DNAH9: variants seen among roughly 807,000 people sequenced by gnomAD.
DNAH9 encodes the protein dynein axonemal heavy chain 9.
DNAH9 carries 345 observed loss-of-function variants against 471.6 expected under a neutral mutation model. That is an observed-to-expected ratio of 0.73 (90% confidence interval 0.67 to 0.80). DNAH9 has a LOEUF of 0.80. DNAH9 is among the 30% of genes least tolerant of loss of function. DNAH9 has a pLI of 0.00. For synonymous variants in DNAH9, 2,093 were observed against 2,123.6 expected, an observed-to-expected ratio of 0.99 and a Z score of 0.40; for missense variants, 5,407 against 5,609.2, an observed-to-expected ratio of 0.96 and a Z score of 1.15.
At chr17:11,714,973 A>G (rs1172202295) in intron 26 of DNAH9, among the ~76,000 whole-genome samples, 2 of 152,170 alleles carry the variant, frequency 1.3e-5, no homozygotes, top group East Asian at 3.9e-4. Flanking sequence ...TCAGCAGAGA[A>G]CGCACCTGGA....
At chr17:11,793,431 AG>A (rs1170322763) in intron 41 of DNAH9, 71 bp from the exon 42 acceptor site, 9 of 1,431,420 alleles carry the variant, frequency 6.3e-6, no homozygotes, top group Non-Finnish European at 8.6e-6. Context: ...AAAATGCTCC[AG>A]GAAGTTTTCC....
chr17:11,708,843 C>T (rs1041235310), intron 26 of DNAH9, among the ~76,000 whole-genome samples: 3 of 152,090 alleles, frequency 2.0e-5, no homozygotes, highest in African/African-American at 2.4e-5. Context: ...CTGTATGTTC[C>T]GAGATAACAT....
At chr17:11,615,417 T>C (rs1377189724) in intron 4 of DNAH9, among the ~76,000 whole-genome samples, 3 of 151,986 alleles carry the variant, frequency 2.0e-5, no homozygotes, top group Non-Finnish European at 4.4e-5. Context: ...AAACCCCAAC[T>C]CTACTCAAAA....
At chr17:11,670,542 C>T (rs1475623676) in intron 17 of DNAH9, among the ~76,000 whole-genome samples, 2 of 152,140 alleles carry the variant, frequency 1.3e-5, no homozygotes, top group Non-Finnish European at 2.9e-5. Flanking sequence ...CAGTTTAGTG[C>T]TGGTTTTGCT....
At chr17:11,753,009 C>T (rs112150507) in intron 33 of DNAH9, 49 bp downstream of exon 33, 30 of 1,452,934 alleles carry the variant, frequency 2.1e-5, no homozygotes, top group African/African-American at 1.8e-4. Flanking sequence ...ACCTGTGAAA[C>T]CAGTCACCCA....
chr17:11,865,383 A>G (rs1339411718), intron 50 of DNAH9, among the ~76,000 whole-genome samples: 4 of 151,986 alleles, frequency 2.6e-5, no homozygotes, highest in Non-Finnish European at 1.5e-5. Flanking sequence ...TTCTGCCGAG[A>G]GATCCGCTGT....
intron 61 of DNAH9, among the ~76,000 whole-genome samples, chr17:11,920,701 A>G (rs548430573): frequency 7.2e-5 from 11 of 152,144 alleles, no homozygotes; most frequent in Admixed American, 5.9e-4. Flanking sequence ...ATCCATAGTG[A>G]CATTAGAGTT....
In DNAH9 at chr17:11,937,743, T is replaced by C. The variant is rs762850665; in HGVS notation, c.12660+221T>C. ...GTTAAATCATAGGAAGTCCCTGCCA[T>C]TGGGTTCAGCAGTTTTCTTTGCCAG... On this transcript the variant is annotated intron_variant, in intron 66 of 68. Coordinates refer to ENST00000262442, the MANE Select transcript of DNAH9 (RefSeq NM_001372.4). This position sits in a 1 kb window ranked among gnomAD's most constrained non-coding sequence, Gnocchi z 4.1. Among the ~76,000 whole-genome samples the C allele has an allele frequency of 6.6e-6, 1 of 152,188 alleles. No individual in the cohort carries two copies. Among genetic ancestry groups the C allele is most frequent in the Non-Finnish European group, 1.5e-5 (1 of 68,040 alleles).
rs760692393 is a variant in DNAH9 at position 11,854,029 on chromosome 17, T to G, written c.9534T>G (p.Phe3178Leu). ...CCAACCTGACAGAGCTGAAGTCATT[T>G]GGCTCTCCGCCTCTGGCCGTCAGCA... ...NKTNLTELKS[F>L]GSPPLAVSNV... The change falls in exon 50 of 69, where the codon TTT (phenylalanine) becomes TTG (leucine). Residue 3178 changes from phenylalanine (F) to leucine (L), a missense_variant. Physicochemically the swap from Phe to Leu is conservative, Grantham distance 22 (BLOSUM62 0). Transcript: ENST00000262442. 43 of 1,613,976 alleles carry G rather than the reference T, an allele frequency of 2.7e-5. No individual in the cohort carries two copies. Among genetic ancestry groups the G allele is most frequent in the Non-Finnish European group, 3.6e-5 (43 of 1,179,986 alleles).
In DNAH9 at chr17:11,636,758, A is replaced by G. The variant is rs2073174817; in HGVS notation, c.1760A>G (p.Gln587Arg). Residue 587 changes from glutamine (Q) to arginine (R), a missense_variant, in exon 9 of 69, where the codon CAG becomes CGG. Coordinates refer to ENST00000262442, the MANE Select transcript of DNAH9 (RefSeq NM_001372.4). ...GATGCAGTGAGGATGATCTACAGTC[A>G]GCACGTCCAGGAGGAAGCAGAACTT... is the stretch of plus-strand genomic sequence containing the variant. ...DLDAVRMIYSQHVQEEAELGF... is the reference protein window; with the variant it reads ...DLDAVRMIYSRHVQEEAELGF... The G allele has an allele frequency of 1.2e-6, 2 of 1,614,076 alleles. No individual in the cohort carries two copies. The highest frequency in any genetic ancestry group is 1.7e-6 in the Non-Finnish European group (2 of 1,180,010).
rs151194835 is a variant in DNAH9 at position 11,752,431 on chromosome 17, C to A, written c.6611-402C>A. Among the ~76,000 whole-genome samples, 13 of 152,264 alleles carry A rather than the reference C, an allele frequency of 8.5e-5. No homozygotes were observed. In the East Asian group the frequency reaches 2.5e-3, roughly 29 times the overall value. The stretch of plus-strand genomic sequence containing the variant: ...CAGGGAGAATGCACCTTGGGCACTG[C>A]CAGGTTTTTGCAAAGCAAGATATAA... On this transcript the variant is annotated intron_variant, in intron 32 of 68. Transcript: ENST00000262442.
intron 62 of DNAH9, among the ~76,000 whole-genome samples, chr17:11,929,041 T>A (rs1268878261): frequency 1.4e-5 from 2 of 146,860 alleles, no homozygotes; most frequent in African/African-American, 5.1e-5. Context: ...TTTTTTTTTT[T>A]TTTTTTTATT....
At chr17:11,903,676 T>G (rs1052508180) in intron 60 of DNAH9, among the ~76,000 whole-genome samples, 10 of 152,036 alleles carry the variant, frequency 6.6e-5, no homozygotes, top group African/African-American at 2.2e-4. Context: ...TTTGGGAGGC[T>G]GAGGCGGCGG....
At chr17:11,747,480 T>TG (rs1966928692) in intron 31 of DNAH9, 76 bp from the exon 32 acceptor site, 23 of 1,173,668 alleles carry the variant, frequency 2.0e-5, no homozygotes, top group Middle Eastern at 2.8e-4. Flanking sequence ...AGACACCAGC[T>TG]GGGGTCACAG....
At chr17:11,733,891 GCAAATTATC>G (rs1225236136) in intron 28 of DNAH9, among the ~76,000 whole-genome samples, 1 of 148,824 alleles carries the variant, frequency 6.7e-6, no homozygotes, top group African/African-American at 2.5e-5. Flanking sequence ...TAAAACCTGG[GCAAATTATC>G]CAAATGATAA....
At chr17:11,826,717 G>A (rs539675318) in intron 48 of DNAH9, among the ~76,000 whole-genome samples, 19 of 151,088 alleles carry the variant, frequency 1.3e-4, no homozygotes, top group South Asian at 2.1e-4. Context: ...CCGCCTCGGC[G>A]TCCCAAAGTG....
intron 61 of DNAH9, among the ~76,000 whole-genome samples, chr17:11,914,623 A>G (rs1242679470): frequency 6.6e-6 from 1 of 152,194 alleles, no homozygotes; most frequent in Non-Finnish European, 1.5e-5. Flanking sequence ...AAGGTCCAAA[A>G]TGGTTTTTAT....
intron 19 of DNAH9, among the ~76,000 whole-genome samples, chr17:11,687,788 G>A (rs1169012830): frequency 6.6e-6 from 1 of 152,034 alleles, no homozygotes; most frequent in East Asian, 1.9e-4. Flanking sequence ...GGGGTTGGAG[G>A]AGAAAATGAG....
intron 67 of DNAH9, 82 bp from the exon 68 acceptor site, chr17:11,961,785 T>C: frequency 1.3e-6 from 2 of 1,484,854 alleles, no homozygotes; most frequent in East Asian, 2.3e-5. Context: ...CTGGGTGCCA[T>C]GAGCCAGGGG....
Sources: gnomAD v4.1 joint callset for allele counts (sites outside exome capture counted in the v4.1 genomes callset) on GRCh38, gnomAD v4.1.1 for gene constraint, Gnocchi (gnomAD v3.1) non-coding constraint, MANE v1.5 for transcripts, NCBI Gene and HGNC (gene_info 2026-07-23, HGNC 2026-07-21) for gene names.